Variants in CIITA observed in about 807,000 individuals in gnomAD.
CIITA encodes the protein class II major histocompatibility complex transactivator.
A neutral mutation model predicts 115.1 loss-of-function variants in CIITA; 72 were observed. The observed-to-expected ratio is 0.63, with a 90% CI of 0.52 to 0.76. CIITA has a LOEUF of 0.76. CIITA is among the 30% of genes least tolerant of loss of function. The pLI is 0.00. For missense variants in CIITA, 1,617 were observed against 1,463.8 expected (o/e 1.10, Z -1.71); for synonymous variants, 763 against 635.6 (o/e 1.20, Z -3.02).
intron 16 of CIITA, among the ~76,000 whole-genome samples, chr16:10,918,984 A>G (rs2040119983): frequency 6.6e-6 from 1 of 152,010 alleles, no homozygotes; most frequent in Non-Finnish European, 1.5e-5. Context: ...ACTTCCATCC[A>G]GGCCCTGGTG....
chr16:10,927,694 A>C lies in CIITA; in HGVS notation c.*3839A>C, dbSNP rs917918120. 6.6e-6 allele frequency: 1 copy of C among 152,140 alleles called. No individual in the cohort carries two copies. The highest frequency in any genetic ancestry group is 6.5e-5 in the Admixed American group (1 of 15,276). The allele number at this position is 152,140 out of a possible 1,614,324, so 9.4% of individuals were successfully genotyped here. A position where few individuals can be genotyped will look rare whatever the true frequency, so the allele number is the denominator to read the frequency against. ...CCTGGTGTGGAGCCTTTTAACCCAG[A>C]GGGGCATCTTTTCGTAGTTAACGCA... On this transcript the variant is annotated 3_prime_UTR_variant, in exon 20 of 20. Transcript: ENST00000324288.
chr16:10,890,574 G>C (rs2037461348), intron 1 of CIITA, among the ~76,000 whole-genome samples: 1 of 152,204 alleles, frequency 6.6e-6, no homozygotes. Flanking sequence ...ACAGATGTGA[G>C]CCACCATGCC....
At chr16:10,897,571 C>T (rs1485855481) in intron 3 of CIITA, among the ~76,000 whole-genome samples, 1 of 152,202 alleles carries the variant, frequency 6.6e-6, no homozygotes, top group South Asian at 2.1e-4. Context: ...TTTCTCTCTG[C>T]TTCTGGAAGG....
rs1401987806 is a variant in CIITA, at chr16:10,907,067, C to T, written c.1575C>T (p.Leu525=). 1 of 1,607,402 alleles carries T rather than the reference C, an allele frequency of 6.2e-7. No homozygotes were observed. The highest frequency in any genetic ancestry group is 1.7e-5 in the Admixed American group (1 of 60,016). ...CGPAPAEPCS[L]RGLLAGLFQK... is the part of the protein sequence containing the mutation. ...CGGCACCGGCGGAGCCCTGCTCCCT[C>T]CGGGGGCTGCTGGCCGGCCTTTTCC... The change falls in exon 11 of 20, where the codon CTC becomes CTT. Residue 525 remains leucine (L), a synonymous_variant. Transcript: ENST00000324288. The surrounding 1 kb of genome is among the most constrained non-coding windows in gnomAD (Gnocchi z 5.0).
intron 1 of CIITA, 67 bp downstream of exon 1, chr16:10,877,449 A>G: frequency 6.6e-7 from 1 of 1,504,540 alleles, no homozygotes; most frequent in Non-Finnish European, 9.1e-7. Flanking sequence ...TTCCAGATAA[A>G]CAGAGAAACC....
intron 1 of CIITA, among the ~76,000 whole-genome samples, chr16:10,870,740 A>C (rs976865177): frequency 5.9e-5 from 9 of 152,214 alleles, no homozygotes; most frequent in Admixed American, 4.6e-4. Context: ...AATGATACGA[A>C]TCTCCCAGGG....
chr16:10,903,891 G>A lies in CIITA; in HGVS notation c.933G>A (p.Met311Ile). 4 of 1,614,208 alleles carry A rather than the reference G, an allele frequency of 2.5e-6. No individual in the cohort carries two copies. The South Asian group carries it at 3.3e-5, about 13-fold the overall frequency. The change falls in exon 9 of 20, where the codon ATG becomes ATA. Residue 311 changes from methionine to isoleucine, a missense_variant. Coordinates refer to ENST00000324288, the MANE Select transcript of CIITA (RefSeq NM_000246.4). The part of the protein sequence containing the change: ...PEPALTSRAN[M>I]TEHKTSPTQC... ...CTGCCCTGACCTCCCGAGCAAACATGACAGGTAAGGACCCTTAGGGCCTGT... is the reference window on the plus strand; with the variant it reads ...CTGCCCTGACCTCCCGAGCAAACATAACAGGTAAGGACCCTTAGGGCCTGT...
chr16:10,885,692 G>C (rs1045398264), intron 1 of CIITA, among the ~76,000 whole-genome samples: 2 of 152,096 alleles, frequency 1.3e-5, no homozygotes, highest in African/African-American at 4.8e-5. Flanking sequence ...TCTTCCCCAG[G>C]ACCCTGGGCT....
chr16:10,922,489 G>A lies in CIITA; in HGVS notation c.3316G>A (p.Ala1106Thr). The part of the protein sequence containing the change: ...LRRCPHVETL[A>T]MWTPTIPFSV... ...GAGGTGTCCTCATGTGGAGACGCTG[G>A]CGTAAGTCCAGGCAACCCTGGTGGG... The change falls in exon 18 of 20, where the codon GCG (alanine) becomes ACG (threonine). Residue 1106 changes from alanine (A) to threonine (T), a missense_variant and splice_region_variant. Ala to Thr is a moderately conservative substitution (Grantham distance 58). Coordinates refer to ENST00000324288, the MANE Select transcript of CIITA (RefSeq NM_000246.4). 1 of 1,614,012 alleles carries A rather than the reference G, an allele frequency of 6.2e-7. No homozygotes were observed. Among genetic ancestry groups the A allele is most frequent in the Non-Finnish European group, 8.5e-7 (1 of 1,179,896 alleles).
At chr16:10,884,352 C>T (rs1005308353) in intron 1 of CIITA, among the ~76,000 whole-genome samples, 1 of 152,196 alleles carries the variant, frequency 6.6e-6, no homozygotes, top group Non-Finnish European at 1.5e-5. Context: ...AGGCAGGTGT[C>T]AGCAGGGAGC....
Position 10,923,270 on chromosome 16 carries a change from G to A in CIITA, c.3360G>A (p.Leu1120=). The A allele has an allele frequency of 6.3e-7, 1 of 1,577,206 alleles. No homozygotes were observed. Among genetic ancestry groups the A allele is most frequent in the Non-Finnish European group, 8.6e-7 (1 of 1,160,066 alleles). ...TCCCATTCAGTGTCCAGGAACACCT[G>A]CAACAACAGGATTCACGGATCAGCC... The part of the protein sequence containing the change: ...PTIPFSVQEH[L]QQQDSRISLR The change falls in exon 19 of 20, where the codon CTG becomes CTA. Residue 1120 remains leucine (L), a synonymous_variant. Transcript: ENST00000324288. This position sits in a 1 kb window ranked among gnomAD's most constrained non-coding sequence, Gnocchi z 5.2.
intron 1 of CIITA, among the ~76,000 whole-genome samples, chr16:10,880,681 C>T (rs995161312): frequency 1.4e-4 from 21 of 152,146 alleles, no homozygotes; most frequent in Admixed American, 3.3e-4. Context: ...TAAGACCCAG[C>T]CTCAGATACC....
At position 10,916,368 on chromosome 16, in the gene CIITA, C is replaced by A. The variant is rs755817502; in HGVS notation, c.2971C>A (p.Leu991Met). ...GCCCCCATCTGATTCCACCTGCAGC[C>A]TGGATGCGCTGAGTGAGAACAAGAT... ...TAFSSLQHLD[L>M]DALSENKIGD... Residue 991 changes from leucine (L) to methionine (M), a missense_variant and splice_region_variant, in exon 15 of 20, where the codon CTG (leucine) becomes ATG (methionine). Physicochemically the swap from Leu to Met is conservative, Grantham distance 15 (BLOSUM62 2). Transcript: ENST00000324288. 2 of 1,613,772 alleles carry A rather than the reference C, an allele frequency of 1.2e-6. No individual in the cohort carries two copies. The highest frequency in any genetic ancestry group is 1.7e-6 in the Non-Finnish European group (2 of 1,179,854).
rs770728553 is a variant in CIITA at position 10,879,436 on chromosome 16, A to G, written c.52+2054A>G. On this transcript the variant is annotated intron_variant, in intron 1 of 19. Coordinates refer to ENST00000324288, the MANE Select transcript of CIITA (RefSeq NM_000246.4). This position sits in a 1 kb window ranked among gnomAD's most constrained non-coding sequence, Gnocchi z 4.3. ...GCCCTTCTTGTACGCCAGACTTTGG[A>G]CCAGGGCCGCCGTTCCCTGAGCTTC... Among the ~76,000 whole-genome samples the G allele has an allele frequency of 1.3e-5, 2 of 152,130 alleles. No homozygotes were observed. The highest frequency in any genetic ancestry group is 2.9e-5 in the Non-Finnish European group (2 of 68,012).
intron 16 of CIITA, 66 bp from the exon 17 acceptor site, chr16:10,922,099 TGG>T: frequency 7.3e-7 from 1 of 1,363,382 alleles, no homozygotes; most frequent in Non-Finnish European, 1.1e-6. Context: ...AATCTAGGGA[TGG>T]TGGCTTCTGG....
Position 10,941,798 on chromosome 16 carries a change from G to C in CIITA, n.924G>C. Reference sequence around the variant, plus strand: ...GAGCCGGGGTCGGAGAGCACGCCGAGGTCCACGAGCGCCTGGTCCATGTCC... The same window carrying C: ...GAGCCGGGGTCGGAGAGCACGCCGACGTCCACGAGCGCCTGGTCCATGTCC... On this transcript the variant is annotated non_coding_transcript_exon_variant, in exon 2 of 2. Transcript: ENST00000573379. This position sits in a 1 kb window ranked among gnomAD's most constrained non-coding sequence, Gnocchi z 6.4. 6.2e-7 allele frequency: 1 copy of C among 1,613,694 alleles called. No homozygotes were observed. The highest frequency in any genetic ancestry group is 8.5e-7 in the Non-Finnish European group (1 of 1,179,850).
In CIITA at chr16:10,923,270, G is replaced by C. The variant is rs1344505044; in HGVS notation, c.3360G>C (p.Leu1120=). The change falls in exon 19 of 20, where the codon CTG becomes CTC. Residue 1120 remains leucine (L), a synonymous_variant. Coordinates refer to ENST00000324288, the MANE Select transcript of CIITA (RefSeq NM_000246.4). The surrounding 1 kb of genome is among the most constrained non-coding windows in gnomAD (Gnocchi z 5.2). ...TCCCATTCAGTGTCCAGGAACACCT[G>C]CAACAACAGGATTCACGGATCAGCC... ...PTIPFSVQEH[L]QQQDSRISLR The C allele has an allele frequency of 3.2e-6, 5 of 1,577,206 alleles. No homozygotes were observed. The highest frequency in any genetic ancestry group is 4.3e-6 in the Non-Finnish European group (5 of 1,160,066).
intron 1 of CIITA, among the ~76,000 whole-genome samples, chr16:10,881,530 T>C (rs2036433353): frequency 6.6e-6 from 1 of 152,258 alleles, no homozygotes; most frequent in Non-Finnish European, 1.5e-5. Context: ...TGCTAAGATT[T>C]CTTTTTAACA....
intron 3 of CIITA, among the ~76,000 whole-genome samples, chr16:10,896,919 C>T (rs548072891): frequency 4.6e-5 from 7 of 152,352 alleles, no homozygotes; most frequent in Non-Finnish European, 1.0e-4. Flanking sequence ...TTGACTGCTT[C>T]CTTCCCTTCC....
Sources: allele counts gnomAD v4.1 joint callset (sites outside exome capture counted in the v4.1 genomes callset), GRCh38; gene constraint gnomAD v4.1.1; non-coding constraint Gnocchi (gnomAD v3.1); transcripts MANE v1.5; gene names NCBI Gene and HGNC (gene_info 2026-07-23, HGNC 2026-07-21).